The following NFIA variants were observed in gnomAD, a reference collection of about 807,000 sequenced individuals.
NFIA encodes nuclear factor I A.
Under a neutral mutation model 62.8 loss-of-function variants are expected in NFIA, and 8 were observed. The observed-to-expected ratio is 0.13, with a 90% CI of 0.07 to 0.23. The LOEUF is 0.23. Ranked by LOEUF, NFIA falls within the 10% of genes least tolerant of loss-of-function variation. NFIA has a pLI of 1.00. For synonymous variants in NFIA, 235 were observed against 238.1 expected, an observed-to-expected ratio of 0.99 and a Z score of 0.12; for missense variants, 410 against 642.1, an observed-to-expected ratio of 0.64 and a Z score of 3.91.
chr1:61,454,517 G>A (rs866471934), intron 10 of NFIA, among the ~76,000 whole-genome samples: 2 of 152,230 alleles, frequency 1.3e-5, no homozygotes, highest in South Asian at 2.1e-4. Flanking sequence ...TGAAGGGTAC[G>A]CAGTGGCCTC....
At chr1:61,320,198 C>T (rs950323286) in intron 3 of NFIA, among the ~76,000 whole-genome samples, 1 of 151,946 alleles carries the variant, frequency 6.6e-6, no homozygotes, top group African/African-American at 2.4e-5. Context: ...TGTGCTAACA[C>T]GACATGGCCT....
intron 2 of NFIA, among the ~76,000 whole-genome samples, chr1:61,138,982 G>A (rs1647300919): frequency 6.6e-6 from 1 of 151,630 alleles, no homozygotes; most frequent in Non-Finnish European, 1.5e-5. Context: ...TTGAAGCCAG[G>A]AGATCGAGAC....
chr1:61,455,167 C>T (rs142780324), intron 10 of NFIA, 136 bp from the exon 11 acceptor site: 9 of 751,216 alleles, frequency 1.2e-5, no homozygotes, highest in South Asian at 4.9e-5. Flanking sequence ...TATTGTCTGT[C>T]GTGCCTTTAC....
At chr1:61,410,228 G>A (rs1259984145) in intron 9 of NFIA, among the ~76,000 whole-genome samples, 1 of 152,154 alleles carries the variant, frequency 6.6e-6, no homozygotes, top group Non-Finnish European at 1.5e-5. Flanking sequence ...TTTTAGAGGA[G>A]TTGACTTCTA....
chr1:61,199,973 C>T (rs553267136), intron 2 of NFIA, among the ~76,000 whole-genome samples: 5 of 138,662 alleles, frequency 3.6e-5, no homozygotes, highest in Admixed American at 1.5e-4. Context: ...CCAGCCTGCA[C>T]GACAGAGCGA....
At chr1:61,345,647 T>A (rs969067075) in intron 4 of NFIA, among the ~76,000 whole-genome samples, 2 of 152,048 alleles carry the variant, frequency 1.3e-5, no homozygotes, top group African/African-American at 4.8e-5. Flanking sequence ...AGCATTAGAT[T>A]CTCCTAGGAA....
rs558826803 is a variant in NFIA at position 61,200,738 on chromosome 1, C to T, written c.560-76782C>T. Among the ~76,000 whole-genome samples the T allele has an allele frequency of 1.2e-3, 184 of 152,142 alleles. 3 individuals carry two copies. The highest frequency in any genetic ancestry group is 5.8e-3 in the South Asian group (28 of 4,800). On this transcript the variant is annotated intron_variant, in intron 2 of 10. Transcript: ENST00000403491. ...CACATAATTAAATGTGTATTCATCCCCAAGTAATGACAGAAAAGATGAAGA... is the reference window on the plus strand; with the variant it reads ...CACATAATTAAATGTGTATTCATCCTCAAGTAATGACAGAAAAGATGAAGA...
intron 2 of NFIA, among the ~76,000 whole-genome samples, chr1:61,137,262 C>T (rs1403184839): frequency 6.6e-6 from 1 of 152,126 alleles, no homozygotes. Flanking sequence ...GTATACCTTA[C>T]CATCTCATTT....
chr1:61,383,721 T>G (rs1664544476), intron 7 of NFIA, among the ~76,000 whole-genome samples: 1 of 152,228 alleles, frequency 6.6e-6, no homozygotes, highest in Non-Finnish European at 1.5e-5. Flanking sequence ...CACATGCGCG[T>G]GCACACATGC....
intron 2 of NFIA, among the ~76,000 whole-genome samples, chr1:61,277,056 G>A (rs1194870505): frequency 6.6e-6 from 1 of 152,172 alleles, no homozygotes; most frequent in East Asian, 1.9e-4. Flanking sequence ...GGAATGCAGA[G>A]CTAAATATCA....
At chr1:61,233,359 G>A (rs889321820) in intron 2 of NFIA, among the ~76,000 whole-genome samples, 5 of 152,192 alleles carry the variant, frequency 3.3e-5, no homozygotes, top group African/African-American at 1.2e-4. Context: ...CAGATGCAGG[G>A]AGCCCACAGA....
chr1:61,183,168 C>T (rs978222001), intron 2 of NFIA, among the ~76,000 whole-genome samples: 3 of 152,112 alleles, frequency 2.0e-5, no homozygotes, highest in African/African-American at 7.2e-5. Context: ...TTGCAGCCAC[C>T]TATCAGAGGT....
intron 3 of NFIA, among the ~76,000 whole-genome samples, chr1:61,330,693 G>A (rs1244904992): frequency 6.6e-6 from 1 of 152,006 alleles, no homozygotes; most frequent in African/African-American, 2.4e-5. Flanking sequence ...TTACATTCAC[G>A]CTATACAGAA....
chr1:61,263,075 G>A (rs1183831711), intron 2 of NFIA, among the ~76,000 whole-genome samples: 1 of 152,172 alleles, frequency 6.6e-6, no homozygotes, highest in Non-Finnish European at 1.5e-5. Context: ...TCAAAGGATA[G>A]CACTTCTTTT....
intron 2 of NFIA, among the ~76,000 whole-genome samples, chr1:61,179,969 C>T (rs993526209): frequency 3.9e-5 from 6 of 152,182 alleles, no homozygotes; most frequent in African/African-American, 7.2e-5. Flanking sequence ...CTTCCACAGG[C>T]GGCTGATATC....
rs2100406091 is a variant in NFIA, at chr1:61,083,866, C to T, written c.27+1048C>T. ...CCGACTCAACTCAGAGCATGGGGCT[C>T]TTGCGCCCCACCGCCTCTCCTTTCC... On this transcript the variant is annotated intron_variant, in intron 1 of 10. Transcript: ENST00000403491. Among the ~76,000 whole-genome samples the T allele has an allele frequency of 2.0e-5, 3 of 152,202 alleles. 1 individual carries two copies. In the South Asian group the frequency reaches 6.2e-4, roughly 31 times the overall value.
chr1:61,305,681 C>T (rs1197075493), intron 3 of NFIA, among the ~76,000 whole-genome samples: 1 of 152,174 alleles, frequency 6.6e-6, no homozygotes, highest in Non-Finnish European at 1.5e-5. Context: ...ATCCTGTCTT[C>T]AGGGCTTGCC....
intron 5 of NFIA, among the ~76,000 whole-genome samples, chr1:61,353,809 GTAGTATCAGC>G (rs1488127104): frequency 6.6e-6 from 1 of 152,078 alleles, no homozygotes; most frequent in Non-Finnish European, 1.5e-5. Context: ...TTAGTTCCCT[GTAGTATCAGC>G]TCCTCAGGGG....
chr1:61,118,787 G>A (rs751264005), intron 2 of NFIA, among the ~76,000 whole-genome samples: 1 of 151,910 alleles, frequency 6.6e-6, no homozygotes, highest in African/African-American at 2.4e-5. Context: ...CGGGAGAGCA[G>A]CTTGCCACAG....
Sources: gnomAD v4.1 joint callset for allele counts (sites outside exome capture counted in the v4.1 genomes callset) on GRCh38, gnomAD v4.1.1 for gene constraint, MANE v1.5 for transcripts, NCBI Gene and HGNC (gene_info 2026-07-23, HGNC 2026-07-21) for gene names.